SMYD2: variants seen among roughly 807,000 people sequenced by gnomAD.
SMYD2 encodes the protein SET and MYND domain containing 2.
SMYD2 carries 53 observed loss-of-function variants against 59.1 expected under a neutral mutation model. The ratio of observed to expected loss-of-function variants is 0.90; its 90% CI spans 0.72 to 1.13. The LOEUF is 1.13. SMYD2 is among the 50% of genes most tolerant of loss of function. The pLI is 0.00. For synonymous variants in SMYD2, 208 were observed against 198.8 expected (o/e 1.05, Z -0.39); for missense variants, 494 against 544.7 (o/e 0.91, Z 0.93).
intron 2 of SMYD2, 79 bp from the exon 3 acceptor site, chr1:214,314,683 A>G: frequency 1.0e-6 from 1 of 988,562 alleles, no homozygotes; most frequent in Non-Finnish European, 1.6e-6. Context: ...AACTAGGGGG[A>G]CTCACTGCAT....
intron 1 of SMYD2, among the ~76,000 whole-genome samples, chr1:214,284,010 A>G (rs1571916552): frequency 6.6e-6 from 1 of 152,170 alleles, no homozygotes; most frequent in Admixed American, 6.6e-5. Flanking sequence ...CGGTCAGGGC[A>G]ATTCAGACAA....
At position 214,281,393 on chromosome 1, in the gene SMYD2, G is replaced by A. The variant is rs1322208430; in HGVS notation, c.139G>A (p.Glu47Lys). ...PAYAYVLTVN[E>K]RGNHCEYCFT... is the part of the protein sequence containing the mutation. Reference sequence around the variant, plus strand: ...CTATGCCTACGTGCTCACGGTCAACGAGCGGGGCAACCACTGCGAGTACTG... The same window carrying A: ...CTATGCCTACGTGCTCACGGTCAACAAGCGGGGCAACCACTGCGAGTACTG... Residue 47 changes from glutamate to lysine, a missense_variant, in exon 1 of 12, where the codon GAG becomes AAG. Glu to Lys is a moderately conservative substitution (Grantham distance 56). Coordinates refer to ENST00000366957, the MANE Select transcript of SMYD2 (RefSeq NM_020197.3). The A allele has an allele frequency of 1.0e-5, 15 of 1,465,562 alleles. No individual in the cohort carries two copies. Among genetic ancestry groups the A allele is most frequent in the African/African-American group, 2.9e-5 (2 of 68,450 alleles). 90.8% of individuals were successfully genotyped at this position (1,465,562 alleles called of 1,614,324 possible). A position where few individuals can be genotyped will look rare whatever the true frequency, so the allele number is the denominator to read the frequency against.
chr1:214,287,099 G>A (rs1025710407), intron 1 of SMYD2, among the ~76,000 whole-genome samples: 3 of 151,920 alleles, frequency 2.0e-5, no homozygotes, highest in Non-Finnish European at 4.4e-5. Flanking sequence ...AAAGTGCTGG[G>A]ATTACAGGTA....
intron 5 of SMYD2, among the ~76,000 whole-genome samples, chr1:214,320,267 GA>G (rs34870551): frequency 1.3e-5 from 2 of 151,908 alleles, no homozygotes; most frequent in Admixed American, 1.3e-4. Context: ...TGAAAAGTAT[GA>G]AAAAAGGGTA....
chr1:214,313,443 A>G (rs944766998), intron 2 of SMYD2, among the ~76,000 whole-genome samples: 3 of 151,810 alleles, frequency 2.0e-5, no homozygotes, highest in African/African-American at 4.8e-5. Context: ...ACAGTACCCA[A>G]TTCCATCGTG....
At chr1:214,330,861 G>C in intron 8 of SMYD2, 89 bp from the exon 9 acceptor site, 2 of 1,588,826 alleles carry the variant, frequency 1.3e-6, no homozygotes, top group South Asian at 1.1e-5. Flanking sequence ...GTCGACCGCT[G>C]TGTGGGAATG....
Position 214,318,028 on chromosome 1 carries a change from C to T in SMYD2, c.349-51C>T, listed in dbSNP as rs1657112041. ...TAAAAGTGAAAGTGCCACTTTATTA[C>T]ACTGGTTGTTAAAAAATCTGTATCT... is the stretch of plus-strand genomic sequence containing the variant. On this transcript the variant is annotated intron_variant, in intron 3 of 11. Coordinates refer to ENST00000366957, the MANE Select transcript of SMYD2 (RefSeq NM_020197.3). The surrounding 1 kb of genome is among the most constrained non-coding windows in gnomAD (Gnocchi z 5.4). 2 of 1,516,890 alleles carry T rather than the reference C, an allele frequency of 1.3e-6. No homozygotes were observed. The highest frequency in any genetic ancestry group is 1.4e-5 in the African/African-American group (1 of 72,874). The allele number at this position is 1,516,890 out of a possible 1,614,324, so 94.0% of individuals were successfully genotyped here. A position where few individuals can be genotyped will look rare whatever the true frequency, so the allele number is the denominator to read the frequency against.
At chr1:214,336,238 A>T (rs956070228) in intron 11 of SMYD2, among the ~76,000 whole-genome samples, 5 of 151,358 alleles carry the variant, frequency 3.3e-5, no homozygotes, top group African/African-American at 4.9e-5. Context: ...CTCCTTTTTT[A>T]AAAAAAAACC....
chr1:214,304,066 T>G (rs938103569), intron 1 of SMYD2, among the ~76,000 whole-genome samples: 1 of 152,218 alleles, frequency 6.6e-6, no homozygotes, highest in African/African-American at 2.4e-5. Flanking sequence ...AAGCTTTGGT[T>G]CATCTCACAC....
chr1:214,291,097 C>CT (rs1027548375), intron 1 of SMYD2, among the ~76,000 whole-genome samples: 19 of 152,174 alleles, frequency 1.2e-4, no homozygotes, highest in African/African-American at 4.6e-4. Flanking sequence ...TACTTTTTAA[C>CT]TCAATCAAAA....
At chr1:214,286,041 C>T (rs1486145038) in intron 1 of SMYD2, among the ~76,000 whole-genome samples, 1 of 152,184 alleles carries the variant, frequency 6.6e-6, no homozygotes, top group African/African-American at 2.4e-5. Flanking sequence ...TAGTGCATGA[C>T]CTTATTTCAG....
chr1:214,334,375 G>T, intron 11 of SMYD2, 67 bp downstream of exon 11: 1 of 1,375,948 alleles, frequency 7.3e-7, no homozygotes, highest in Admixed American at 1.7e-5. Flanking sequence ...CCTCCTTCAT[G>T]CCTCACCAGG....
chr1:214,334,658 T>C (rs1328764390), intron 11 of SMYD2, among the ~76,000 whole-genome samples: 2 of 152,214 alleles, frequency 1.3e-5, no homozygotes, highest in Admixed American at 6.5e-5. Flanking sequence ...AGGTAGGATA[T>C]GGAGAGTTAG....
chr1:214,292,433 C>T (rs1260234698), intron 1 of SMYD2, among the ~76,000 whole-genome samples: 1 of 152,116 alleles, frequency 6.6e-6, no homozygotes, highest in African/African-American at 2.4e-5. Context: ...GGATTAGTTC[C>T]CTTCGTCTTT....
intron 1 of SMYD2, among the ~76,000 whole-genome samples, chr1:214,304,681 C>A (rs900710612): frequency 6.6e-6 from 1 of 151,662 alleles, no homozygotes; most frequent in African/African-American, 2.4e-5. Context: ...GCATTTCTTG[C>A]AATTTCTAAA....
At position 214,317,953 on chromosome 1, in the gene SMYD2, G is replaced by A. The variant is rs192273182; in HGVS notation, c.349-126G>A. ...AGAGCCCTAGTGGTGGAGTCCTTGA[G>A]TAGCTTGTTTTACTTCCTTAAGAAT... On this transcript the variant is annotated intron_variant, in intron 3 of 11. Transcript: ENST00000366957. 1.5e-5 allele frequency: 14 copies of A among 913,576 alleles called. No individual in the cohort carries two copies. The Admixed American group carries it at 2.8e-4, about 18-fold the overall frequency. 56.6% of individuals were successfully genotyped at this position (913,576 alleles called of 1,614,324 possible). A position where few individuals can be genotyped will look rare whatever the true frequency, so the allele number is the denominator to read the frequency against.
At chr1:214,319,211 G>A (rs1004808292) in intron 5 of SMYD2, among the ~76,000 whole-genome samples, 7 of 152,126 alleles carry the variant, frequency 4.6e-5, no homozygotes, top group African/African-American at 7.2e-5. Context: ...TAGGAAATTC[G>A]CCTCTGCCTC....
chr1:214,281,201 G>C lies in SMYD2; in HGVS notation c.-54G>C. The C allele has an allele frequency of 8.3e-7, 1 of 1,203,326 alleles. No homozygotes were observed. Among genetic ancestry groups the C allele is most frequent in the South Asian group, 4.1e-5 (1 of 24,192 alleles). 74.5% of individuals were successfully genotyped at this position (1,203,326 alleles called of 1,614,324 possible). On this transcript the variant is annotated 5_prime_UTR_variant, in exon 1 of 12. Coordinates refer to ENST00000366957, the MANE Select transcript of SMYD2 (RefSeq NM_020197.3). The stretch of plus-strand genomic sequence containing the variant: ...TCTAGGTGACGCGTCTCCAATAACA[G>C]CTCGCCGGGAGCCGCAGCTCGGGCA...
At chr1:214,292,957 CAAG>C in intron 1 of SMYD2, among the ~76,000 whole-genome samples, 1 of 151,938 alleles carries the variant, frequency 6.6e-6, no homozygotes, top group South Asian at 2.1e-4. Flanking sequence ...TGTTTATACT[CAAG>C]AAAGATCCAG....
Sources: gnomAD v4.1 joint callset for allele counts (sites outside exome capture counted in the v4.1 genomes callset) on GRCh38, gnomAD v4.1.1 for gene constraint, Gnocchi (gnomAD v3.1) non-coding constraint, MANE v1.5 for transcripts, NCBI Gene and HGNC (gene_info 2026-07-23, HGNC 2026-07-21) for gene names.